The following GMPR variants were observed in gnomAD, a reference collection of about 807,000 sequenced individuals.
The protein encoded by GMPR is GMP reductase 1.
Under a neutral mutation model 38.4 loss-of-function variants are expected in GMPR, and 31 were observed. That is an observed-to-expected ratio of 0.81 (90% confidence interval 0.61 to 1.09). The LOEUF is 1.09. Among genes scored for constraint, GMPR ranks in the 50% least tolerant of loss-of-function variants. The pLI, the probability that GMPR is intolerant of heterozygous loss-of-function variation, is 0.00. For missense variants in GMPR, 468 were observed against 453.7 expected, an observed-to-expected ratio of 1.03 and a Z score of -0.29; for synonymous variants, 162 against 173.3, an observed-to-expected ratio of 0.93 and a Z score of 0.51.
At chr6:16,291,074 C>G (rs1581668959) in intron 8 of GMPR, among the ~76,000 whole-genome samples, 1 of 152,264 alleles carries the variant, frequency 6.6e-6, no homozygotes, top group South Asian at 2.1e-4. Context: ...GTGGCCAGGC[C>G]TTTCCTGAAG....
At chr6:16,285,739 G>A in intron 6 of GMPR, 54 bp from the exon 7 acceptor site, 1 of 1,492,238 alleles carries the variant, frequency 6.7e-7, no homozygotes, top group Non-Finnish European at 9.3e-7. Context: ...GGAGGGGACA[G>A]CCTGGCTGAG....
rs749929417 is a variant in GMPR at position 16,295,204 on chromosome 6, C to T, written c.*18C>T. The T allele has an allele frequency of 5.4e-6, 8 of 1,484,558 alleles. No individual in the cohort carries two copies. Among genetic ancestry groups the T allele is most frequent in the Middle Eastern group, 2.2e-4 (1 of 4,600 alleles). The allele number at this position is 1,484,558 out of a possible 1,614,324, so 92.0% of individuals were successfully genotyped here. A position where few individuals can be genotyped will look rare whatever the true frequency, so the allele number is the denominator to read the frequency against. On this transcript the variant is annotated 3_prime_UTR_variant, in exon 9 of 9. Coordinates refer to ENST00000259727, the MANE Select transcript of GMPR (RefSeq NM_006877.4). ...TCAGCTAACCCTGGGGACAAAGCAG[C>T]GTCTGGCTCGAGTGGAAGCGTCCAA...
rs555875569 is a variant in GMPR at position 16,266,221 on chromosome 6, A to G, written c.466-8194A>G. ...CTGTAACACTCGCTGCGAAGAATGA[A>G]GAACGCCGCGCGCACCACCTTTAAG... is the stretch of plus-strand genomic sequence containing the variant. On this transcript the variant is annotated intron_variant, in intron 4 of 8. Transcript: ENST00000259727. Among the ~76,000 whole-genome samples, 451 of 150,992 alleles carry G rather than the reference A, an allele frequency of 3.0e-3. 1 individual carries two copies. Among genetic ancestry groups the G allele is most frequent in the African/African-American group, 0.01 (417 of 40,998 alleles).
chr6:16,278,816 G>T lies in GMPR; in HGVS notation c.580G>T (p.Val194Leu). ...GTGCACCACCCGCACCAAGACGGGAGTGGGGTACCCCCAGCTGAGTGCCGT... is the reference window on the plus strand; with the variant it reads ...GTGCACCACCCGCACCAAGACGGGATTGGGGTACCCCCAGCTGAGTGCCGT... Reference protein sequence around the residue: ...SVCTTRTKTGVGYPQLSAVIE... With the variant: ...SVCTTRTKTGLGYPQLSAVIE... The change falls in exon 6 of 9, where the codon GTG becomes TTG. Residue 194 changes from valine to leucine, a missense_variant. Physicochemically the swap from Val to Leu is conservative, Grantham distance 32. Coordinates refer to ENST00000259727, the MANE Select transcript of GMPR (RefSeq NM_006877.4). 2 of 1,614,060 alleles carry T rather than the reference G, an allele frequency of 1.2e-6. No individual in the cohort carries two copies. The highest frequency in any genetic ancestry group is 1.7e-6 in the Non-Finnish European group (2 of 1,179,870).
At chr6:16,266,879 G>C (rs1207917863) in intron 4 of GMPR, among the ~76,000 whole-genome samples, 1 of 151,834 alleles carries the variant, frequency 6.6e-6, no homozygotes, top group East Asian at 2.0e-4. Flanking sequence ...AACCGTCCGG[G>C]AGGAACGAAC....
chr6:16,259,933 A>G (rs549852016), intron 4 of GMPR, among the ~76,000 whole-genome samples: 62 of 152,272 alleles, frequency 4.1e-4, no homozygotes, highest in Admixed American at 3.9e-3. Context: ...AGAGCAGGGC[A>G]TGTATGAGTA....
In GMPR at chr6:16,238,744, C is replaced by T. The variant is rs974936327; in HGVS notation, c.51C>T (p.Leu17=). Reference sequence around the variant, plus strand: ...AGCTCGACTTCAAGGATGTCCTGCTCCGACCTAAGCGGAGCAGCCTCAAGA... The same window carrying T: ...AGCTCGACTTCAAGGATGTCCTGCTTCGACCTAAGCGGAGCAGCCTCAAGA... ...DLKLDFKDVL[L]RPKRSSLKSR... The change falls in exon 1 of 9, where the codon CTC becomes CTT. Residue 17 remains leucine (L), a synonymous_variant. Transcript: ENST00000259727. 1.2e-5 allele frequency: 17 copies of T among 1,472,898 alleles called. No homozygotes were observed. The highest frequency in any genetic ancestry group is 2.1e-5 in the Admixed American group (1 of 46,560). 91.2% of individuals were successfully genotyped at this position (1,472,898 alleles called of 1,614,324 possible).
intron 2 of GMPR, among the ~76,000 whole-genome samples, chr6:16,249,636 T>C (rs924519817): frequency 6.6e-5 from 10 of 152,184 alleles, no homozygotes; most frequent in Non-Finnish European, 1.2e-4. Flanking sequence ...TTAAACTGCT[T>C]AAGCTCCATT....
intron 8 of GMPR, among the ~76,000 whole-genome samples, chr6:16,290,994 A>C (rs769278256): frequency 3.3e-5 from 5 of 152,172 alleles, no homozygotes; most frequent in Non-Finnish European, 7.4e-5. Context: ...GTTCAGGCTG[A>C]AAGGATTGAG....
chr6:16,264,084 C>T (rs1374602238), intron 4 of GMPR, among the ~76,000 whole-genome samples: 2 of 151,974 alleles, frequency 1.3e-5, no homozygotes, highest in Non-Finnish European at 2.9e-5. Context: ...TGGTCTGACA[C>T]CTCTGAAACC....
At chr6:16,238,830 G>A (rs1433295505) in intron 1 of GMPR, 50 bp downstream of exon 1, 3 of 1,082,366 alleles carry the variant, frequency 2.8e-6, no homozygotes, top group South Asian at 1.7e-5. Flanking sequence ...TTTTCCGGGT[G>A]GCGCGGGGCA....
intron 4 of GMPR, among the ~76,000 whole-genome samples, chr6:16,255,801 A>G (rs1210909759): frequency 6.6e-6 from 1 of 152,160 alleles, no homozygotes; most frequent in Non-Finnish European, 1.5e-5. Context: ...CTTCTCATAT[A>G]TGTTATCATT....
chr6:16,290,717 A>T, intron 8 of GMPR, 96 bp downstream of exon 8: 12 of 1,025,036 alleles, frequency 1.2e-5, no homozygotes, highest in Non-Finnish European at 1.6e-5. Context: ...CTCTGTGTAT[A>T]TTAAAGTACC....
At chr6:16,270,333 T>A (rs1164617943) in intron 4 of GMPR, among the ~76,000 whole-genome samples, 1 of 152,172 alleles carries the variant, frequency 6.6e-6, no homozygotes, top group Non-Finnish European at 1.5e-5. Context: ...ATTGCTTCCA[T>A]GTTGTCATGG....
chr6:16,265,189 G>A (rs563362540), intron 4 of GMPR, among the ~76,000 whole-genome samples: 1 of 152,340 alleles, frequency 6.6e-6, no homozygotes, highest in South Asian at 2.1e-4. Context: ...CTGACTTCAA[G>A]TAGTCCTCCT....
intron 4 of GMPR, among the ~76,000 whole-genome samples, chr6:16,273,565 G>A (rs1300457608): frequency 6.6e-6 from 1 of 152,130 alleles, no homozygotes; most frequent in Non-Finnish European, 1.5e-5. Flanking sequence ...AACTGAGCAC[G>A]TGCTGATGCT....
chr6:16,281,583 G>T (rs1254138567), intron 6 of GMPR, among the ~76,000 whole-genome samples: 1 of 152,124 alleles, frequency 6.6e-6, no homozygotes, highest in East Asian at 1.9e-4. Context: ...TCAGCTCCCT[G>T]CTAGAATGCC....
rs557279710 is a variant in GMPR at position 16,244,444 on chromosome 6, TCAAG to T, written c.88-2394_88-2391del. ...TGCCCAGGCTGGTCTTGAACTGAGC[TCAAG>T]CAATCTGCCTGCCTCAGCCTCCCAC... On this transcript the variant is annotated intron_variant, in intron 1 of 8. Transcript: ENST00000259727. Among the ~76,000 whole-genome samples the T allele has an allele frequency of 2.1e-3, 313 of 152,210 alleles. 1 individual carries two copies. Among genetic ancestry groups the T allele is most frequent in the Non-Finnish European group, 2.4e-3 (164 of 68,006 alleles).
chr6:16,286,820 C>T (rs1451129537), intron 7 of GMPR, among the ~76,000 whole-genome samples: 1 of 151,946 alleles, frequency 6.6e-6, no homozygotes, highest in African/African-American at 2.4e-5. Flanking sequence ...GTGGGAGAAT[C>T]GCTTGAACCC....
Sources: gnomAD v4.1 joint callset for allele counts (sites outside exome capture counted in the v4.1 genomes callset) on GRCh38, gnomAD v4.1.1 for gene constraint, MANE v1.5 for transcripts, NCBI Gene and HGNC (gene_info 2026-07-23, HGNC 2026-07-21) for gene names.